The following DOCK8 variants were observed in gnomAD, a reference collection of about 807,000 sequenced individuals.
DOCK8 encodes dedicator of cytokinesis protein 8.
A neutral mutation model predicts 245.6 loss-of-function variants in DOCK8; 141 were observed. The ratio of observed to expected loss-of-function variants is 0.57; its 90% CI spans 0.50 to 0.66. The LOEUF is 0.66. Among genes scored for constraint, DOCK8 ranks in the 30% least tolerant of loss-of-function variants. The pLI is 0.00. For missense variants in DOCK8, 2,965 were observed against 2,603.4 expected (o/e 1.14, Z -3.02); for synonymous variants, 1,168 against 970.2 (o/e 1.20, Z -3.79).
At chr9:458,412 C>T (rs545198391) in intron 46 of DOCK8, 32 of 152,372 alleles carry the variant, frequency 2.1e-4, no homozygotes, top group African/African-American at 7.7e-4. Context: ...GGTGGTCACA[C>T]TGCCTGGAGT....
At chr9:334,487 G>A (rs2051214218) in intron 11 of DOCK8, 103 bp downstream of exon 11, 1 of 1,296,546 alleles carries the variant, frequency 7.7e-7, no homozygotes, top group Non-Finnish European at 1.1e-6. Context: ...GGTGTGGGAA[G>A]TGGGGAGGCA....
rs71312800 is a variant in DOCK8, at chr9:274,465, C to CTTTT, written c.156+2743_156+2746dup. On this transcript the variant is annotated intron_variant, in intron 2 of 47. Coordinates refer to ENST00000432829, the MANE Select transcript of DOCK8 (RefSeq NM_203447.4). ...ATGTGGAAGCCCAGAGGATTGAATT[C>CTTTT]TTTTTTTTTTCTTTTCTTTCTTTTC... Among the ~76,000 whole-genome samples, 469 of 145,018 alleles carry CTTTT rather than the reference C, an allele frequency of 3.2e-3. 2 individuals carry two copies. The highest frequency in any genetic ancestry group is 0.01 in the African/African-American group (412 of 39,458).
At chr9:219,587 A>G (rs1292500506) in intron 1 of DOCK8, among the ~76,000 whole-genome samples, 1 of 152,162 alleles carries the variant, frequency 6.6e-6, no homozygotes, top group East Asian at 1.9e-4. Flanking sequence ...ATAAAGTTAC[A>G]TAAAGATAGC....
chr9:422,110 C>T lies in DOCK8; in HGVS notation c.4216C>T (p.Arg1406Trp), dbSNP rs1226113558. ...LRWKKEQTHW[R>W]QANEKLDKTK... is the part of the protein sequence containing the mutation. The stretch of plus-strand genomic sequence containing the variant: ...ATGGAAGAAAGAGCAGACACATTGG[C>T]GGCAAGCTAATGAGAAGCTAGATAA... The change falls in exon 33 of 48, where the codon CGG becomes TGG. Residue 1406 changes from arginine to tryptophan, a missense_variant. Coordinates refer to ENST00000432829, the MANE Select transcript of DOCK8 (RefSeq NM_203447.4). 4 of 1,613,954 alleles carry T rather than the reference C, an allele frequency of 2.5e-6. No homozygotes were observed. Among genetic ancestry groups the T allele is most frequent in the East Asian group, 2.2e-5 (1 of 44,894 alleles).
At chr9:393,162 A>G (rs1188882444) in intron 24 of DOCK8, among the ~76,000 whole-genome samples, 2 of 151,842 alleles carry the variant, frequency 1.3e-5, no homozygotes, top group African/African-American at 2.4e-5. Context: ...GCTATGGATA[A>G]TTCATACAAA....
Position 400,094 on chromosome 9 carries a change from T to C in DOCK8, c.3234+835T>C, listed in dbSNP as rs867778911. Among the ~76,000 whole-genome samples the C allele has an allele frequency of 2.0e-3, 41 of 20,950 alleles. 2 individuals carry two copies. The highest frequency in any genetic ancestry group is 7.3e-3 in the African/African-American group (26 of 3,564). 13.7% of individuals were successfully genotyped at this position (20,950 alleles called of 152,430 possible). ...ATCACCATCACCACCACCTCCACCA[T>C]CACCACCACCACCTCCACCACCACC... On this transcript the variant is annotated intron_variant, in intron 26 of 47. Transcript: ENST00000432829.
chr9:244,239 C>G (rs1431976223), intron 1 of DOCK8, among the ~76,000 whole-genome samples: 1 of 151,126 alleles, frequency 6.6e-6, no homozygotes, highest in Non-Finnish European at 1.5e-5. Context: ...CCTCCATGTT[C>G]CATGAAAATA....
chr9:275,340 A>G (rs1353964125), intron 2 of DOCK8, among the ~76,000 whole-genome samples: 1 of 152,196 alleles, frequency 6.6e-6, no homozygotes, highest in Non-Finnish European at 1.5e-5. Flanking sequence ...ACTGGCTTCA[A>G]AAGTGGCAGG....
At chr9:402,875 A>G (rs974008429) in intron 26 of DOCK8, among the ~76,000 whole-genome samples, 3 of 152,082 alleles carry the variant, frequency 2.0e-5, no homozygotes, top group African/African-American at 7.2e-5. Context: ...ACATCACTCA[A>G]ATTGTTTTTG....
chr9:413,424 A>G (rs1045650431), intron 28 of DOCK8, among the ~76,000 whole-genome samples: 5 of 132,306 alleles, frequency 3.8e-5, no homozygotes, highest in Non-Finnish European at 8.3e-5. Flanking sequence ...CAGTAAAATT[A>G]AAACTTTTGT....
chr9:395,302 T>C (rs1435300017), intron 24 of DOCK8, among the ~76,000 whole-genome samples: 1 of 152,214 alleles, frequency 6.6e-6, no homozygotes, highest in Non-Finnish European at 1.5e-5. Context: ...TCTGAAAACA[T>C]GAAACACATA....
intron 40 of DOCK8, 49 bp downstream of exon 40, chr9:439,437 G>A (rs1222336225): frequency 1.1e-5 from 18 of 1,605,976 alleles, no homozygotes; most frequent in Non-Finnish European, 1.4e-5. Context: ...TACTCCAGCT[G>A]GACTTGGGGT....
intron 39 of DOCK8, among the ~76,000 whole-genome samples, 190 bp from the exon 40 acceptor site, chr9:439,055 A>G (rs1227435112): frequency 6.6e-6 from 1 of 152,228 alleles, no homozygotes; most frequent in East Asian, 1.9e-4. Flanking sequence ...TTTGAAGACC[A>G]GTTGCTCAGT....
intron 1 of DOCK8, among the ~76,000 whole-genome samples, chr9:235,959 T>C (rs1016004729): frequency 1.3e-5 from 2 of 152,180 alleles, no homozygotes; most frequent in Non-Finnish European, 2.9e-5. Context: ...GGTACCTCAG[T>C]TGGAAATGCA....
intron 2 of DOCK8, among the ~76,000 whole-genome samples, chr9:282,662 A>G (rs372594285): frequency 1.3e-5 from 2 of 151,794 alleles, no homozygotes; most frequent in East Asian, 1.9e-4. Flanking sequence ...GGCTCAAGCA[A>G]TCCTCCTGCG....
At chr9:225,438 A>G (rs898168970) in intron 1 of DOCK8, among the ~76,000 whole-genome samples, 2 of 152,178 alleles carry the variant, frequency 1.3e-5, no homozygotes, top group African/African-American at 4.8e-5. Flanking sequence ...AGGGAGCCAC[A>G]GTCATTCCGA....
chr9:235,278 C>G (rs543043220), intron 1 of DOCK8, among the ~76,000 whole-genome samples: 27 of 152,270 alleles, frequency 1.8e-4, no homozygotes, highest in African/African-American at 6.3e-4. Context: ...AGAGGAGTAC[C>G]TGGCTGTGTG....
intron 46 of DOCK8, chr9:452,342 C>G (rs2057495471): frequency 5.4e-6 from 2 of 367,966 alleles, no homozygotes; most frequent in Non-Finnish European, 1.0e-5. Flanking sequence ...ACCACTGCAG[C>G]AGAGCAACAC....
In DOCK8 at chr9:377,114, C is replaced by T. The variant is rs754964873; in HGVS notation, c.2343C>T (p.Asn781=). The T allele has an allele frequency of 2.5e-6, 4 of 1,610,996 alleles. No individual in the cohort carries two copies. Among genetic ancestry groups the T allele is most frequent in the Non-Finnish European group, 3.4e-6 (4 of 1,179,930 alleles). The change falls in exon 20 of 48, where the codon AAC becomes AAT. Residue 781 remains asparagine, a synonymous_variant. Coordinates refer to ENST00000432829, the MANE Select transcript of DOCK8 (RefSeq NM_203447.4). The stretch of plus-strand genomic sequence containing the variant: ...TGAAGCTCAGCATCATCTGCCTGAA[C>T]TCCTCCCGCCTGGAGCCGCTCGTGC... The part of the protein sequence containing the change: ...HELKLSIICL[N]SSRLEPLVLF...
Sources: gnomAD v4.1 joint callset for allele counts (sites outside exome capture counted in the v4.1 genomes callset) on GRCh38, gnomAD v4.1.1 for gene constraint, MANE v1.5 for transcripts, NCBI Gene and HGNC (gene_info 2026-07-23, HGNC 2026-07-21) for gene names.